The following COMMD10 variants were observed in gnomAD, a reference collection of about 807,000 sequenced individuals.
COMMD10 encodes COMM domain containing 10, also known as COMM domain-containing protein 10.
COMMD10 carries 33 observed loss-of-function variants against 28.9 expected under a neutral mutation model. That is an observed-to-expected ratio of 1.14 (90% CI 0.87 to 1.53). The LOEUF is 1.53. Ranked by LOEUF, COMMD10 falls within the 40% of genes most tolerant of loss-of-function variation. The pLI, the probability that COMMD10 is intolerant of heterozygous loss-of-function variation, is 0.00. For missense variants in COMMD10, 310 were observed against 233.4 expected (o/e 1.33, Z -2.14); for synonymous variants, 110 against 81.7 (o/e 1.35, Z -1.87).
chr5:116,278,432 G>T (rs1297846377), intron 5 of COMMD10, among the ~76,000 whole-genome samples: 1 of 151,760 alleles, frequency 6.6e-6, no homozygotes, highest in African/African-American at 2.4e-5. Flanking sequence ...CCAAGTTTGT[G>T]ATCTGCTCAT....
chr5:116,252,639 G>T (rs1301612745), intron 5 of COMMD10, among the ~76,000 whole-genome samples: 1 of 124,686 alleles, frequency 8.0e-6, no homozygotes, highest in Non-Finnish European at 1.7e-5. Context: ...TGAGGGCTCT[G>T]TTCTGTTCCA....
At chr5:116,136,028 A>ATT (rs1752016107) in intron 5 of COMMD10, among the ~76,000 whole-genome samples, 1 of 152,150 alleles carries the variant, frequency 6.6e-6, no homozygotes, top group Non-Finnish European at 1.5e-5. Flanking sequence ...GTGCTCAATA[A>ATT]ATGCTGGCTA....
chr5:116,279,984 T>C (rs1751029961), intron 5 of COMMD10, among the ~76,000 whole-genome samples: 1 of 151,874 alleles, frequency 6.6e-6, no homozygotes. Flanking sequence ...CTATGTATTA[T>C]CTTGATATAC....
At chr5:116,103,071 G>C (rs1750718948) in intron 4 of COMMD10, among the ~76,000 whole-genome samples, 1 of 152,000 alleles carries the variant, frequency 6.6e-6, no homozygotes, top group African/African-American at 2.4e-5. Context: ...GTCTTTCATT[G>C]ATGGGCATTT....
At chr5:116,141,724 A>G (rs997964042) in intron 5 of COMMD10, among the ~76,000 whole-genome samples, 1 of 151,856 alleles carries the variant, frequency 6.6e-6, no homozygotes, top group Non-Finnish European at 1.5e-5. Context: ...AAGTGGGAGC[A>G]CATAAATAAG....
intron 5 of COMMD10, among the ~76,000 whole-genome samples, chr5:116,166,850 C>T (rs1753115179): frequency 6.6e-6 from 1 of 152,112 alleles, no homozygotes; most frequent in Admixed American, 6.5e-5. Flanking sequence ...AGGTCACCAA[C>T]ATCAAAGACC....
At chr5:116,181,211 T>G (rs1394692328) in intron 5 of COMMD10, among the ~76,000 whole-genome samples, 1 of 152,060 alleles carries the variant, frequency 6.6e-6, no homozygotes, top group Non-Finnish European at 1.5e-5. Flanking sequence ...GAAATCTGTT[T>G]CTGTAGTGTA....
intron 5 of COMMD10, among the ~76,000 whole-genome samples, chr5:116,137,937 T>C (rs1425183509): frequency 2.0e-5 from 3 of 151,982 alleles, no homozygotes; most frequent in Non-Finnish European, 4.4e-5. Context: ...GTTCCACAGA[T>C]ACCTCAAATC....
chr5:116,196,531 A>G (rs745844397), intron 5 of COMMD10, among the ~76,000 whole-genome samples: 7 of 152,002 alleles, frequency 4.6e-5, no homozygotes, highest in Non-Finnish European at 8.8e-5. Context: ...TAATAGCCAA[A>G]TCTGTTAACT....
chr5:116,214,935 T>C (rs1580554783), intron 5 of COMMD10, among the ~76,000 whole-genome samples: 1 of 152,092 alleles, frequency 6.6e-6, no homozygotes, highest in Non-Finnish European at 1.5e-5. Context: ...TTCCCACTTA[T>C]TAGTCACAAA....
chr5:116,282,619 C>G (rs1054447474), intron 5 of COMMD10, among the ~76,000 whole-genome samples: 17 of 151,834 alleles, frequency 1.1e-4, no homozygotes, highest in African/African-American at 3.9e-4. Context: ...ATTATTTTAT[C>G]ACAATTCTGT....
intron 5 of COMMD10, among the ~76,000 whole-genome samples, chr5:116,244,460 G>C (rs1367811339): frequency 6.6e-6 from 1 of 151,962 alleles, no homozygotes; most frequent in Non-Finnish European, 1.5e-5. Context: ...AGCCAGTCTA[G>C]TGAATAGACA....
At chr5:116,248,000 T>C (rs1315687242) in intron 5 of COMMD10, among the ~76,000 whole-genome samples, 3 of 151,910 alleles carry the variant, frequency 2.0e-5, no homozygotes, top group African/African-American at 7.2e-5. Context: ...TTTTATGCAA[T>C]ACCTACAAAT....
At chr5:116,184,214 GTCTC>G (rs201037721) in intron 5 of COMMD10, among the ~76,000 whole-genome samples, 1 of 121,834 alleles carries the variant, frequency 8.2e-6, no homozygotes, top group African/African-American at 2.5e-5. Flanking sequence ...TCTTAGTTCT[GTCTC>G]TCTTTTTTTT....
At chr5:116,236,378 C>T (rs1294401627) in intron 5 of COMMD10, among the ~76,000 whole-genome samples, 1 of 151,788 alleles carries the variant, frequency 6.6e-6, no homozygotes, top group African/African-American at 2.4e-5. Flanking sequence ...GTGGCAGGCA[C>T]CTGTAATCCC....
chr5:116,259,062 ATTTTTTTT>A (rs36082006), intron 5 of COMMD10, among the ~76,000 whole-genome samples: 2 of 123,622 alleles, frequency 1.6e-5, no homozygotes, highest in Non-Finnish European at 3.4e-5. Flanking sequence ...ACGTCCTTTA[ATTTTTTTT>A]TTTTTTTTTT....
At chr5:116,235,115 T>G (rs1749628328) in intron 5 of COMMD10, among the ~76,000 whole-genome samples, 1 of 152,166 alleles carries the variant, frequency 6.6e-6, no homozygotes, top group Non-Finnish European at 1.5e-5. Flanking sequence ...ACCACTTATT[T>G]TTTCCATCTG....
intron 5 of COMMD10, among the ~76,000 whole-genome samples, chr5:116,203,176 G>T (rs1278023204): frequency 6.6e-6 from 1 of 152,082 alleles, no homozygotes; most frequent in African/African-American, 2.4e-5. Flanking sequence ...GAAGCGAGAA[G>T]GAAAGTTTAG....
intron 5 of COMMD10, among the ~76,000 whole-genome samples, chr5:116,233,660 G>A (rs907035405): frequency 3.9e-5 from 6 of 152,142 alleles, no homozygotes; most frequent in Non-Finnish European, 8.8e-5. Flanking sequence ...GATAAACCAC[G>A]AGGAATGTTC....
Sources: allele counts gnomAD v4.1 joint callset (sites outside exome capture counted in the v4.1 genomes callset), GRCh38; gene constraint gnomAD v4.1.1; transcripts MANE v1.5; gene names NCBI Gene and HGNC (gene_info 2026-07-23, HGNC 2026-07-21).